GALNT14: variants seen among roughly 807,000 people sequenced by gnomAD.
GALNT14 encodes the protein polypeptide N-acetylgalactosaminyltransferase 14, also known as UDP-GalNAc:polypeptide N-acetylgalactosaminyltransferase 14.
In GALNT14, 60 loss-of-function variants were observed where a neutral mutation model predicts 77.5. The ratio of observed to expected loss-of-function variants is 0.77; its 90% CI spans 0.63 to 0.96. GALNT14 has a LOEUF of 0.96. Among genes scored for constraint, GALNT14 ranks in the 40% least tolerant of loss-of-function variants. The pLI is 0.00. For missense variants in GALNT14, 710 were observed against 731.0 expected, an observed-to-expected ratio of 0.97 and a Z score of 0.33; for synonymous variants, 280 against 281.7, an observed-to-expected ratio of 0.99 and a Z score of 0.06.
At chr2:30,929,763 G>A (rs930800792) in intron 10 of GALNT14, among the ~76,000 whole-genome samples, 5 of 152,206 alleles carry the variant, frequency 3.3e-5, no homozygotes, top group Admixed American at 3.3e-4. Context: ...TTTGGATTTG[G>A]GGTTTTTTAA....
the GALNT14 span, among the ~76,000 whole-genome samples, chr2:30,903,609 C>A: frequency 6.6e-6 from 1 of 152,214 alleles, no homozygotes; most frequent in Non-Finnish European, 1.5e-5. Context: ...TGGAACAGAT[C>A]CTGCTCTAGT....
chr2:31,065,990 C>CCCGGTAGGG (rs1169787026), intron 1 of GALNT14, among the ~76,000 whole-genome samples: 1 of 152,178 alleles, frequency 6.6e-6, no homozygotes, highest in Non-Finnish European at 1.5e-5. Flanking sequence ...CCCGCCCCAC[C>CCCGGTAGGG]CTCTTCCTAC....
At chr2:30,992,456 T>C (rs1292916585) in intron 2 of GALNT14, among the ~76,000 whole-genome samples, 2 of 152,092 alleles carry the variant, frequency 1.3e-5, no homozygotes, top group Non-Finnish European at 2.9e-5. Flanking sequence ...GGTCCAATCA[T>C]CCTGCCTTCC....
chr2:31,028,840 G>C (rs1672234276), intron 1 of GALNT14, among the ~76,000 whole-genome samples: 1 of 152,176 alleles, frequency 6.6e-6, no homozygotes, highest in Admixed American at 6.5e-5. Context: ...ATCTAGTGGG[G>C]AAGCGAAGGT....
Position 30,932,638 on chromosome 2 carries a change from GGGAGAATTTTCTAACA to G in GALNT14, c.932-460_932-445del, listed in dbSNP as rs1378896379. ...AGAAAGAAATTTCAATCGAGAATAC[GGGAGAATTTTCTAACA>G]ATCAGGGACAAGGTGACCATTGTGA... On this transcript the variant is annotated intron_variant, in intron 9 of 14. Transcript: ENST00000349752. Among the ~76,000 whole-genome samples, 9 of 152,276 alleles carry G rather than the reference GGGAGAATTTTCTAACA, an allele frequency of 5.9e-5. No individual in the cohort carries two copies. The East Asian group carries it at 1.7e-3, about 29-fold the overall frequency.
At chr2:31,011,187 G>A (rs1382758122) in intron 1 of GALNT14, among the ~76,000 whole-genome samples, 4 of 152,232 alleles carry the variant, frequency 2.6e-5, no homozygotes, top group African/African-American at 9.6e-5. Context: ...CTGAGAGTTA[G>A]CTGTCTGGCT....
chr2:31,088,451 T>C (rs1375385039), intron 1 of GALNT14, among the ~76,000 whole-genome samples: 2 of 152,192 alleles, frequency 1.3e-5, no homozygotes, highest in African/African-American at 2.4e-5. Flanking sequence ...TGATTGGGCT[T>C]GGCGTCTCGT....
At chr2:30,979,678 G>C (rs1668867104) in intron 2 of GALNT14, among the ~76,000 whole-genome samples, 1 of 152,132 alleles carries the variant, frequency 6.6e-6, no homozygotes, top group Non-Finnish European at 1.5e-5. Context: ...AGGCCAGTGG[G>C]ACCCTCACTG....
At chr2:31,090,103 A>G (rs1017371579) in intron 1 of GALNT14, among the ~76,000 whole-genome samples, 5 of 152,120 alleles carry the variant, frequency 3.3e-5, no homozygotes, top group African/African-American at 9.7e-5. Flanking sequence ...CCACCCTCCC[A>G]AGTTCCCATC....
chr2:30,961,495 C>T (rs1667688939), intron 3 of GALNT14, among the ~76,000 whole-genome samples: 1 of 152,148 alleles, frequency 6.6e-6, no homozygotes, highest in Admixed American at 6.5e-5. Flanking sequence ...GAAAGGAGCT[C>T]ACCATGCCTG....
intron 13 of GALNT14, among the ~76,000 whole-genome samples, chr2:30,914,196 T>G (rs1203471096): frequency 6.6e-6 from 1 of 152,232 alleles, no homozygotes; most frequent in Non-Finnish European, 1.5e-5. Flanking sequence ...ATTATCCTCA[T>G]TTTATAGATG....
At chr2:31,036,456 T>C in intron 1 of GALNT14, among the ~76,000 whole-genome samples, 1 of 152,200 alleles carries the variant, frequency 6.6e-6, no homozygotes, top group East Asian at 1.9e-4. Context: ...AAATTATGTC[T>C]TCATGCATTA....
intron 1 of GALNT14, among the ~76,000 whole-genome samples, chr2:31,046,858 G>C (rs1465810277): frequency 6.6e-6 from 1 of 152,098 alleles, no homozygotes; most frequent in Non-Finnish European, 1.5e-5. Context: ...CATGGACCTT[G>C]CTTTAGAATT....
chr2:31,138,140 G>C lies in GALNT14; in HGVS notation c.-54C>G. 2 of 1,611,980 alleles carry C rather than the reference G, an allele frequency of 1.2e-6. No homozygotes were observed. Among genetic ancestry groups the C allele is most frequent in the South Asian group, 2.2e-5 (2 of 90,938 alleles). On this transcript the variant is annotated 5_prime_UTR_variant, in exon 1 of 15. Coordinates refer to ENST00000349752, the MANE Select transcript of GALNT14 (RefSeq NM_024572.4). ...CGCTACGTCCCGGGGGCACCCCCCG[G>C]CGGTCAGGGTTGGCGGGGCAGGAGT... is the stretch of plus-strand genomic sequence containing the variant.
chr2:31,026,961 T>TC (rs2148471500), intron 1 of GALNT14, among the ~76,000 whole-genome samples: 1 of 152,294 alleles, frequency 6.6e-6, no homozygotes, highest in African/African-American at 2.4e-5. Flanking sequence ...GACCAACATT[T>TC]TATGAATGAA....
chr2:30,903,579 C>T, the GALNT14 span, among the ~76,000 whole-genome samples: 1 of 152,200 alleles, frequency 6.6e-6, no homozygotes, highest in African/African-American at 2.4e-5. Flanking sequence ...CAAATCCTGC[C>T]AACAACTGCT....
chr2:31,132,008 A>G lies in GALNT14; in HGVS notation c.129+5950T>C, dbSNP rs556299000. On this transcript the variant is annotated intron_variant, in intron 1 of 14. Coordinates refer to ENST00000349752, the MANE Select transcript of GALNT14 (RefSeq NM_024572.4). ...TTCCTGGTATTTCTTTCCAAAAACT[A>G]TCAGGTCACTTTGGGAAACAAAGGT... Among the ~76,000 whole-genome samples the G allele has an allele frequency of 5.9e-5, 9 of 152,342 alleles. 1 individual carries two copies. In the South Asian group the frequency reaches 1.4e-3, roughly 25 times the overall value.
intron 1 of GALNT14, among the ~76,000 whole-genome samples, chr2:31,083,385 G>A (rs1676251111): frequency 6.6e-6 from 1 of 152,216 alleles, no homozygotes; most frequent in South Asian, 2.1e-4. Context: ...CAAGGCACTT[G>A]GTGAAAGGAA....
chr2:31,074,437 T>C (rs1254325310), intron 1 of GALNT14, among the ~76,000 whole-genome samples: 1 of 152,066 alleles, frequency 6.6e-6, no homozygotes, highest in Non-Finnish European at 1.5e-5. Flanking sequence ...CCACCACTGT[T>C]TTTTATTTCT....
Sources: gnomAD v4.1 joint callset for allele counts (sites outside exome capture counted in the v4.1 genomes callset) on GRCh38, gnomAD v4.1.1 for gene constraint, MANE v1.5 for transcripts, NCBI Gene and HGNC (gene_info 2026-07-23, HGNC 2026-07-21) for gene names.